Variants in KCNMA1 observed in about 807,000 individuals in gnomAD.
KCNMA1 encodes the protein potassium calcium-activated channel subfamily M alpha 1.
Under a neutral mutation model 140.0 loss-of-function variants are expected in KCNMA1, and 29 were observed. The ratio of observed to expected loss-of-function variants is 0.21; its 90% CI spans 0.15 to 0.28. The LOEUF is 0.28. KCNMA1 is among the 10% of genes least tolerant of loss of function. KCNMA1 has a pLI of 1.00. For synonymous variants in KCNMA1, 612 were observed against 611.9 expected, an observed-to-expected ratio of 1.00 and a Z score of 0.00; for missense variants, 880 against 1,602.2, an observed-to-expected ratio of 0.55 and a Z score of 7.70.
chr10:77,445,455 T>C (rs1299530408), intron 1 of KCNMA1, among the ~76,000 whole-genome samples: 1 of 152,044 alleles, frequency 6.6e-6, no homozygotes, highest in African/African-American at 2.4e-5. Context: ...GATTTGTTGA[T>C]CAGAAAAATA....
intron 2 of KCNMA1, among the ~76,000 whole-genome samples, chr10:77,320,200 T>C (rs527418166): frequency 6.6e-6 from 1 of 152,280 alleles, no homozygotes; most frequent in African/African-American, 2.4e-5. Context: ...TGGAGAAGAA[T>C]TCTGGGGAAA....
chr10:77,509,945 C>T (rs1476272088), intron 1 of KCNMA1, among the ~76,000 whole-genome samples: 1 of 151,582 alleles, frequency 6.6e-6, no homozygotes, highest in Non-Finnish European at 1.5e-5. Context: ...GAGTGCAAGA[C>T]CCTACAACCT....
intron 17 of KCNMA1, among the ~76,000 whole-genome samples, chr10:77,018,341 T>C (rs1329393047): frequency 6.6e-6 from 1 of 152,204 alleles, no homozygotes; most frequent in Admixed American, 6.6e-5. Context: ...TGCTAGTAAA[T>C]TTCTCCAAGT....
intron 1 of KCNMA1, among the ~76,000 whole-genome samples, chr10:77,549,564 C>A (rs1425540042): frequency 6.6e-6 from 1 of 152,160 alleles, no homozygotes; most frequent in Non-Finnish European, 1.5e-5. Context: ...AAGAGCGAAC[C>A]CAGCCCATGA....
chr10:77,352,059 C>T (rs1240910327), intron 2 of KCNMA1, among the ~76,000 whole-genome samples: 1 of 152,236 alleles, frequency 6.6e-6, no homozygotes, highest in African/African-American at 2.4e-5. Flanking sequence ...CTCTTAAACA[C>T]AAACAAGATC....
intron 2 of KCNMA1, among the ~76,000 whole-genome samples, chr10:77,321,524 C>T (rs183384976): frequency 7.4e-4 from 112 of 152,300 alleles, no homozygotes; most frequent in Admixed American, 1.8e-3. Flanking sequence ...TCTCAGCTTG[C>T]TTTGTCCCAA....
intron 2 of KCNMA1, among the ~76,000 whole-genome samples, chr10:77,253,277 G>T (rs1442357590): frequency 6.6e-6 from 1 of 152,142 alleles, no homozygotes; most frequent in Non-Finnish European, 1.5e-5. Context: ...TGTCCATTTG[G>T]CTCCCTGTGT....
chr10:76,900,058 T>C (rs74139850), intron 25 of KCNMA1, among the ~76,000 whole-genome samples: 14,765 of 152,100 alleles, frequency 0.097, 2,302 homozygotes, highest in African/African-American at 0.33. Flanking sequence ...TAAGTTTTAA[T>C]ATTACTTTTA....
intron 1 of KCNMA1, among the ~76,000 whole-genome samples, chr10:77,422,276 T>C (rs158421): frequency 0.49 from 74,238 of 152,082 alleles, 19,722 homozygotes; most frequent in African/African-American, 0.7. Context: ...AATAAGAAAC[T>C]ACCCCAGCCC....
At chr10:77,347,542 G>A (rs1034600551) in intron 2 of KCNMA1, among the ~76,000 whole-genome samples, 15 of 152,210 alleles carry the variant, frequency 9.9e-5, no homozygotes, top group African/African-American at 3.6e-4. Context: ...CAGGCTTGCA[G>A]CCAGAGGCCA....
chr10:77,231,758 GC>G (rs2053676868), intron 3 of KCNMA1, among the ~76,000 whole-genome samples: 1 of 152,078 alleles, frequency 6.6e-6, no homozygotes, highest in African/African-American at 2.4e-5. Context: ...TATTTTCCTT[GC>G]TTTTGTCTTT....
At chr10:77,465,821 CCATTG>C (rs1379718490) in intron 1 of KCNMA1, among the ~76,000 whole-genome samples, 3 of 152,212 alleles carry the variant, frequency 2.0e-5, no homozygotes, top group Non-Finnish European at 4.4e-5. Flanking sequence ...CAAGGCTGCT[CCATTG>C]CACAGCTTCA....
intron 1 of KCNMA1, among the ~76,000 whole-genome samples, chr10:77,480,250 G>A (rs1007946131): frequency 5.3e-5 from 8 of 152,200 alleles, no homozygotes; most frequent in African/African-American, 1.4e-4. Context: ...GCTGGCTACA[G>A]GCCAATGACA....
chr10:76,931,829 T>A (rs1013468394), intron 23 of KCNMA1, among the ~76,000 whole-genome samples: 2 of 152,192 alleles, frequency 1.3e-5, no homozygotes, highest in African/African-American at 4.8e-5. Context: ...CCTTACCTGG[T>A]CTGCTCACCT....
chr10:77,252,554 T>TGTGC (rs2059863749), intron 2 of KCNMA1, among the ~76,000 whole-genome samples: 1 of 151,720 alleles, frequency 6.6e-6, no homozygotes, highest in East Asian at 1.9e-4. Context: ...TGTGTGTGTG[T>TGTGC]GTGCGGGCAC....
chr10:77,051,928 G>A (rs2095381922), intron 14 of KCNMA1, among the ~76,000 whole-genome samples: 1 of 152,214 alleles, frequency 6.6e-6, no homozygotes, highest in African/African-American at 2.4e-5. Flanking sequence ...AGATGAGCAT[G>A]TGTTCTAACC....
chr10:77,615,859 T>G (rs1422027378), intron 1 of KCNMA1, among the ~76,000 whole-genome samples: 2 of 152,198 alleles, frequency 1.3e-5, no homozygotes, highest in Admixed American at 1.3e-4. Context: ...AGCACAATCC[T>G]GGTTATATTG....
At chr10:77,233,501 A>T (rs1032846887) in intron 3 of KCNMA1, among the ~76,000 whole-genome samples, 1 of 152,228 alleles carries the variant, frequency 6.6e-6, no homozygotes, top group Admixed American at 6.5e-5. Context: ...CCCATGGGAC[A>T]TGACCAACTC....
intron 19 of KCNMA1, among the ~76,000 whole-genome samples, chr10:76,989,340 T>C (rs914076900): frequency 6.6e-6 from 1 of 152,152 alleles, no homozygotes; most frequent in African/African-American, 2.4e-5. Flanking sequence ...AACACTGATA[T>C]ACTACGAGGT....
Sources: gnomAD v4.1 joint callset for allele counts (sites outside exome capture counted in the v4.1 genomes callset) on GRCh38, gnomAD v4.1.1 for gene constraint, MANE v1.5 for transcripts, NCBI Gene and HGNC (gene_info 2026-07-23, HGNC 2026-07-21) for gene names.